Variants in DNAH14 observed in about 807,000 individuals in gnomAD.
DNAH14 encodes dynein axonemal heavy chain 14, also known as axonemal beta dynein heavy chain 14.
DNAH14 carries 478 observed loss-of-function variants against 520.9 expected under a neutral mutation model. That is an observed-to-expected ratio of 0.92 (90% CI 0.85 to 0.99). DNAH14 has a LOEUF of 0.99. Among genes scored for constraint, DNAH14 ranks in the 50% least tolerant of loss-of-function variants. The probability of loss-of-function intolerance (pLI) is 0.00; values close to 1 mark genes in which losing one functional copy is unlikely to be tolerated. For synonymous variants in DNAH14, 1,581 were observed against 1,757.2 expected, an observed-to-expected ratio of 0.90 and a Z score of 2.51; for missense variants, 4,831 against 5,234.5, an observed-to-expected ratio of 0.92 and a Z score of 2.38.
rs1166553942 is a variant in DNAH14 at position 225,389,789 on chromosome 1, T to C, written c.13246T>C (p.Cys4416Arg). 4 of 1,552,170 alleles carry C rather than the reference T, an allele frequency of 2.6e-6. No homozygotes were observed. Among genetic ancestry groups the C allele is most frequent in the Non-Finnish European group, 3.5e-6 (4 of 1,147,080 alleles). The stretch of plus-strand genomic sequence containing the variant: ...GTCTATTCCATCAACTAGCCAAAAA[T>C]GCAAACACCCTGAGGATTCAGAGAA... Reference protein sequence around the residue: ...KQSIPSTSQKCKHPEDSENNF... With the variant: ...KQSIPSTSQKRKHPEDSENNF... Residue 4416 changes from cysteine to arginine, a missense_variant, in exon 83 of 86, where the codon TGC (cysteine) becomes CGC (arginine). Coordinates refer to ENST00000682510, the MANE Select transcript of DNAH14 (RefSeq NM_001367479.1).
chr1:225,195,347 C>G (rs112618735), intron 38 of DNAH14, among the ~76,000 whole-genome samples: 7,400 of 151,970 alleles, frequency 0.049, 282 homozygotes, highest in Non-Finnish European at 0.072. Flanking sequence ...AGATCATGTC[C>G]TTTGCAGCAA....
At chr1:225,116,744 A>G (rs1373734283) in intron 23 of DNAH14, among the ~76,000 whole-genome samples, 2 of 152,222 alleles carry the variant, frequency 1.3e-5, no homozygotes, top group Non-Finnish European at 1.5e-5. Context: ...AATAAGACGT[A>G]GCTTAGGGAT....
chr1:225,377,201 T>C lies in DNAH14; in HGVS notation c.12517-36T>C, dbSNP rs2095712157. Reference sequence around the variant, plus strand: ...AACAAAGTGTTCAGAAGTAGCAGGATTGAAGAAAAAAGCTAACAAAATGTT... The same window carrying C: ...AACAAAGTGTTCAGAAGTAGCAGGACTGAAGAAAAAAGCTAACAAAATGTT... On this transcript the variant is annotated intron_variant, in intron 78 of 85. Transcript: ENST00000682510. The C allele has an allele frequency of 2.9e-6, 4 of 1,394,836 alleles. No homozygotes were observed. The South Asian group carries it at 7.1e-5, about 25-fold the overall frequency. The allele number at this position is 1,394,836 out of a possible 1,614,324, so 86.4% of individuals were successfully genotyped here. A position where few individuals can be genotyped will look rare whatever the true frequency, so the allele number is the denominator to read the frequency against.
chr1:224,964,361 T>A (rs948855189), intron 4 of DNAH14, 118 bp from the exon 5 acceptor site: 1 of 1,160,542 alleles, frequency 8.6e-7, no homozygotes, highest in Non-Finnish European at 1.1e-6. Context: ...AATCGTTATG[T>A]ATACTTTGTT....
chr1:225,164,164 G>A (rs1287315904), intron 35 of DNAH14, among the ~76,000 whole-genome samples: 1 of 152,004 alleles, frequency 6.6e-6, no homozygotes, highest in Non-Finnish European at 1.5e-5. Flanking sequence ...TATTTCTTCT[G>A]CACATCTGTC....
At position 225,303,330 on chromosome 1, in the gene DNAH14, A is replaced by G; in HGVS notation, c.8806A>G (p.Asn2936Asp). The G allele has an allele frequency of 6.5e-7, 1 of 1,544,790 alleles. No homozygotes were observed. Among genetic ancestry groups the G allele is most frequent in the South Asian group, 1.2e-5 (1 of 82,058 alleles). ...TAACTCATTCTTAAAAGAAAAGGTC[A>G]ATTTTGAGAACAGAGAGGTAAATAT... The part of the protein sequence containing the change: ...VANSFLKEKV[N>D]FENRENLKEK... The change falls in exon 57 of 86, where the codon AAT becomes GAT. Residue 2936 changes from asparagine to aspartate, a missense_variant. Coordinates refer to ENST00000682510, the MANE Select transcript of DNAH14 (RefSeq NM_001367479.1).
chr1:225,050,215 A>G lies in DNAH14; in HGVS notation c.1918A>G (p.Ile640Val), dbSNP rs1318771083. 4 of 1,533,494 alleles carry G rather than the reference A, an allele frequency of 2.6e-6. No individual in the cohort carries two copies. The Admixed American group carries it at 6.6e-5, about 25-fold the overall frequency. 95.0% of individuals were successfully genotyped at this position (1,533,494 alleles called of 1,614,324 possible). Residue 640 changes from isoleucine to valine, a missense_variant, in exon 16 of 86, where the codon ATT (isoleucine) becomes GTT (valine). Coordinates refer to ENST00000682510, the MANE Select transcript of DNAH14 (RefSeq NM_001367479.1). ...LTNMEKCITT[I>V]TPLCQDPQLS... Reference sequence around the variant, plus strand: ...TTTTAAATTATATATTTTAGCCACAATTACTCCTCTTTGCCAAGATCCCCA... The same window carrying G: ...TTTTAAATTATATATTTTAGCCACAGTTACTCCTCTTTGCCAAGATCCCCA...
intron 43 of DNAH14, among the ~76,000 whole-genome samples, chr1:225,244,937 T>G (rs2092191836): frequency 6.6e-6 from 1 of 152,196 alleles, no homozygotes; most frequent in African/African-American, 2.4e-5. Flanking sequence ...TTAATTGTGA[T>G]GTTAGGGTGT....
At chr1:225,148,330 A>G (rs528472340) in intron 31 of DNAH14, among the ~76,000 whole-genome samples, 2 of 149,626 alleles carry the variant, frequency 1.3e-5, no homozygotes, top group East Asian at 4.0e-4. Flanking sequence ...AGCCATTCTG[A>G]CTGATGTGAG....
At chr1:225,040,748 G>A (rs1255365560) in intron 12 of DNAH14, among the ~76,000 whole-genome samples, 1 of 152,134 alleles carries the variant, frequency 6.6e-6, no homozygotes, top group African/African-American at 2.4e-5. Flanking sequence ...TGAAATTTCT[G>A]GGTGAAAGCA....
chr1:225,250,663 G>A, intron 43 of DNAH14: 1 of 556,394 alleles, frequency 1.8e-6, no homozygotes, highest in Non-Finnish European at 3.3e-6. Flanking sequence ...CAGGATGGAA[G>A]CACTGGGGTC....
At position 225,287,718 on chromosome 1, in the gene DNAH14, AACCAG is replaced by A. The variant is rs538686201; in HGVS notation, c.8272-2166_8272-2162del. Among the ~76,000 whole-genome samples, 107 of 152,244 alleles carry A rather than the reference AACCAG, an allele frequency of 7.0e-4. 1 individual carries two copies. Among genetic ancestry groups the A allele is most frequent in the African/African-American group, 2.5e-3 (104 of 41,556 alleles). On this transcript the variant is annotated intron_variant, in intron 54 of 85. Transcript: ENST00000682510. Reference sequence around the variant, plus strand: ...TCTAATACCATTCTCCAATAAAAGGAACCAGGACTCCTTGGGAAAATTGCTGATTA... The same window carrying A: ...TCTAATACCATTCTCCAATAAAAGGAGACTCCTTGGGAAAATTGCTGATTA...
chr1:224,968,894 A>G lies in DNAH14; in HGVS notation c.767+20A>G. ...TTTCCGGTGAGGTGAAAAAAATGAA[A>G]CCAATTCTTTGTAGTTTGATCCTAT... On this transcript the variant is annotated intron_variant, in intron 7 of 85. Transcript: ENST00000682510. 6.7e-7 allele frequency: 1 copy of G among 1,497,570 alleles called. No individual in the cohort carries two copies. Among genetic ancestry groups the G allele is most frequent in the Non-Finnish European group, 9.1e-7 (1 of 1,104,756 alleles). The allele number at this position is 1,497,570 out of a possible 1,614,324, so 92.8% of individuals were successfully genotyped here.
chr1:224,958,600 C>G (rs992641434), intron 3 of DNAH14, among the ~76,000 whole-genome samples: 2 of 151,980 alleles, frequency 1.3e-5, no homozygotes, highest in African/African-American at 4.8e-5. Context: ...TCCTGATGAG[C>G]TTAAAAAATG....
At chr1:225,211,960 G>T (rs2088496751) in intron 41 of DNAH14, among the ~76,000 whole-genome samples, 1 of 151,432 alleles carries the variant, frequency 6.6e-6, no homozygotes, top group Admixed American at 6.6e-5. Flanking sequence ...ACAACGTGCA[G>T]GTTTGTTACG....
Position 225,092,295 on chromosome 1 carries a change from C to A in DNAH14, c.3574-4823C>A, listed in dbSNP as rs80202411. ...TATGAACATGGCACATAAAACAATT[C>A]TCAGCAAATTTAAAATAGTTAAATC... On this transcript the variant is annotated intron_variant, in intron 21 of 85. Coordinates refer to ENST00000682510, the MANE Select transcript of DNAH14 (RefSeq NM_001367479.1). Among the ~76,000 whole-genome samples the A allele has an allele frequency of 9.3e-4, 141 of 151,528 alleles. 1 individual carries two copies. The East Asian group carries it at 0.025, about 27-fold the overall frequency.
In DNAH14 at chr1:224,938,241, A is replaced by G. The variant is rs534359670; in HGVS notation, c.-34+8406A>G. Among the ~76,000 whole-genome samples the G allele has an allele frequency of 8.5e-5, 13 of 152,366 alleles. No individual in the cohort carries two copies. The South Asian group carries it at 2.7e-3, about 32-fold the overall frequency. ...CTTCCACACAGCAAAAGAAACAATC[A>G]ACAGAGTGAATAGACAATCTACAGA... On this transcript the variant is annotated intron_variant, in intron 1 of 85. Transcript: ENST00000682510.
At chr1:225,115,456 G>T (rs903145470) in intron 23 of DNAH14, among the ~76,000 whole-genome samples, 1 of 152,148 alleles carries the variant, frequency 6.6e-6, no homozygotes, top group South Asian at 2.1e-4. Context: ...TTTGAGATTT[G>T]TGGTGTACAT....
Position 225,305,052 on chromosome 1 carries a change from A to G in DNAH14, c.8968A>G (p.Ile2990Val). ...YLQFMETFAH[I>V]LRAREEEMQT... ...GCAATTTATGGAAACATTTGCACAC[A>G]TTTTGAGGGCACGAGAGGAAGAGAT... Residue 2990 changes from isoleucine (I) to valine (V), a missense_variant, in exon 58 of 86, where the codon ATT (isoleucine) becomes GTT (valine). Transcript: ENST00000682510. The G allele has an allele frequency of 6.5e-7, 1 of 1,540,344 alleles. No individual in the cohort carries two copies. The highest frequency in any genetic ancestry group is 1.2e-5 in the South Asian group (1 of 80,150).
Sources: gnomAD v4.1 joint callset for allele counts (sites outside exome capture counted in the v4.1 genomes callset) on GRCh38, gnomAD v4.1.1 for gene constraint, MANE v1.5 for transcripts, NCBI Gene and HGNC (gene_info 2026-07-23, HGNC 2026-07-21) for gene names.